MYO16: variants seen among roughly 807,000 people sequenced by gnomAD.
MYO16 encodes the protein myosin XVI.
MYO16 carries 94 observed loss-of-function variants against 205.3 expected under a neutral mutation model. The ratio of observed to expected loss-of-function variants is 0.46; its 90% CI spans 0.39 to 0.54. The LOEUF (loss-of-function observed/expected upper bound fraction) is 0.54, where lower values mean the gene tolerates loss of function less well. Among genes scored for constraint, MYO16 ranks in the 20% least tolerant of loss-of-function variants. MYO16 has a pLI of 0.00. For synonymous variants in MYO16, 988 were observed against 954.0 expected (o/e 1.04, Z -0.66); for missense variants, 2,315 against 2,387.5 (o/e 0.97, Z 0.63).
intron 16 of MYO16, among the ~76,000 whole-genome samples, chr13:108,957,279 G>A (rs1208035050): frequency 6.6e-6 from 1 of 151,260 alleles, no homozygotes; most frequent in African/African-American, 2.4e-5. Context: ...AGCTAGTCAA[G>A]AGGTTGAGGC....
the MYO16 span, among the ~76,000 whole-genome samples, chr13:108,554,575 C>A: frequency 6.6e-6 from 1 of 152,078 alleles, no homozygotes; most frequent in Non-Finnish European, 1.5e-5. Flanking sequence ...CTCAGCCGGG[C>A]GTGGTGGCTC....
chr13:108,886,710 C>A (rs895479600), intron 13 of MYO16, among the ~76,000 whole-genome samples: 1 of 152,082 alleles, frequency 6.6e-6, no homozygotes. Flanking sequence ...AGGCAAAGCC[C>A]CCTGTGCAAG....
chr13:109,093,734 G>A (rs545379463), intron 27 of MYO16, among the ~76,000 whole-genome samples: 27 of 152,196 alleles, frequency 1.8e-4, no homozygotes, highest in Non-Finnish European at 2.8e-4. Context: ...AGCCCAGCAC[G>A]TTTTTACCTC....
At chr13:108,562,657 C>T in the MYO16 span, among the ~76,000 whole-genome samples, 3 of 152,260 alleles carry the variant, frequency 2.0e-5, no homozygotes, top group Non-Finnish European at 2.9e-5. Flanking sequence ...TTCTGGTCAA[C>T]AATGGTGGTC....
intron 23 of MYO16, among the ~76,000 whole-genome samples, chr13:109,023,363 AATAT>A (rs1192721489): frequency 6.5e-4 from 44 of 67,482 alleles, no homozygotes; most frequent in Non-Finnish European, 1.0e-3. Context: ...TACAGATATA[AATAT>A]ATATTTATAT....
Position 109,046,974 on chromosome 13 carries a change from T to G in MYO16, c.2855T>G (p.Leu952Arg). Residue 952 changes from leucine to arginine, a missense_variant, in exon 24 of 35, where the codon CTT (leucine) becomes CGT (arginine). Physicochemically the swap from Leu to Arg is moderately radical, Grantham distance 102. Around this residue, in one of 3 missense-constraint regions of MYO16, gnomAD observed 1,213 missense variants for 1,274.4 expected, o/e 0.95. Transcript: ENST00000457511. Reference sequence around the variant, plus strand: ...AATAAAGACTCCCTTTCACAGAATCTTCTATTTGTAATGAAAAGTAAGTTG... The same window carrying G: ...AATAAAGACTCCCTTTCACAGAATCGTCTATTTGTAATGAAAAGTAAGTTG... ...EKNKDSLSQN[L>R]LFVMKTSENV... 6.2e-7 allele frequency: 1 copy of G among 1,610,606 alleles called. No homozygotes were observed. The highest frequency in any genetic ancestry group is 8.5e-7 in the Non-Finnish European group (1 of 1,176,890).
At chr13:108,686,045 C>T (rs2139481640) in intron 2 of MYO16, among the ~76,000 whole-genome samples, 1 of 152,292 alleles carries the variant, frequency 6.6e-6, no homozygotes, top group East Asian at 1.9e-4. Context: ...AGACCCAGAG[C>T]AGGAGAGAAG....
chr13:108,874,730 A>AT (rs1278175874), intron 12 of MYO16, among the ~76,000 whole-genome samples: 1 of 143,072 alleles, frequency 7.0e-6, no homozygotes, highest in African/African-American at 2.5e-5. Flanking sequence ...TATTATTATT[A>AT]TTATTATATG....
chr13:108,962,441 G>A lies in MYO16; in HGVS notation c.2173G>A (p.Val725Ile), dbSNP rs1187751084. The A allele has an allele frequency of 6.2e-7, 1 of 1,601,334 alleles. No individual in the cohort carries two copies. The highest frequency in any genetic ancestry group is 8.5e-7 in the Non-Finnish European group (1 of 1,176,464). The stretch of plus-strand genomic sequence containing the variant: ...AATTTTAGTGGCTGGAATGTTACAA[G>A]TATCAACAGATGAATTGGCATCTGC... Reference protein sequence around the residue: ...LLEQVAGMLQVSTDELASALT... With the variant: ...LLEQVAGMLQISTDELASALT... Residue 725 changes from valine to isoleucine, a missense_variant, in exon 19 of 35, where the codon GTA (valine) becomes ATA (isoleucine). Val to Ile is a conservative substitution (Grantham distance 29). Transcript: ENST00000457511.
intron 22 of MYO16, among the ~76,000 whole-genome samples, chr13:109,018,563 G>A (rs564962721): frequency 5.9e-5 from 9 of 152,286 alleles, no homozygotes; most frequent in South Asian, 2.1e-4. Context: ...AGTTTCTGCC[G>A]CCTTGCAGTT....
At chr13:108,895,684 C>T (rs1258782034) in intron 14 of MYO16, among the ~76,000 whole-genome samples, 1 of 152,152 alleles carries the variant, frequency 6.6e-6, no homozygotes, top group Non-Finnish European at 1.5e-5. Flanking sequence ...AACCTTTGAG[C>T]CTTGGGAAAA....
At chr13:108,646,682 T>A (rs150612593) in intron 1 of MYO16, among the ~76,000 whole-genome samples, 36 of 152,318 alleles carry the variant, frequency 2.4e-4, no homozygotes, top group African/African-American at 8.7e-4. Context: ...TAGATATAGG[T>A]ATATTTAGGC....
intron 1 of MYO16, among the ~76,000 whole-genome samples, chr13:108,634,030 A>G (rs1175204015): frequency 1.3e-5 from 2 of 152,098 alleles, no homozygotes; most frequent in African/African-American, 4.8e-5. Context: ...CCCCCTTTCC[A>G]GCATGTCTGT....
At chr13:108,681,878 T>C (rs1882478349) in intron 2 of MYO16, among the ~76,000 whole-genome samples, 1 of 152,246 alleles carries the variant, frequency 6.6e-6, no homozygotes, top group African/African-American at 2.4e-5. Context: ...AATCTCATTA[T>C]TCCAATATGA....
chr13:109,126,858 A>T (rs968982097), intron 30 of MYO16, among the ~76,000 whole-genome samples: 1 of 152,216 alleles, frequency 6.6e-6, no homozygotes, highest in Non-Finnish European at 1.5e-5. Flanking sequence ...ATGAACTCCC[A>T]GCATTTGATG....
chr13:109,069,606 G>C (rs1189318615), intron 27 of MYO16, among the ~76,000 whole-genome samples: 2 of 79,326 alleles, frequency 2.5e-5, no homozygotes, highest in African/African-American at 9.4e-5. Context: ...TACACTGTGT[G>C]CTCATATGAC....
intron 11 of MYO16, 106 bp downstream of exon 11, chr13:108,855,659 T>C: frequency 1.4e-6 from 1 of 711,558 alleles, no homozygotes; most frequent in Admixed American, 2.9e-5. Context: ...TTGGAGCTTC[T>C]GGTAGTGGTG....
chr13:108,801,848 C>G (rs1886978036), intron 6 of MYO16, among the ~76,000 whole-genome samples: 1 of 152,116 alleles, frequency 6.6e-6, no homozygotes, highest in Admixed American at 6.6e-5. Context: ...AGTGAGCTCT[C>G]GATCAAAGTT....
intron 34 of MYO16, among the ~76,000 whole-genome samples, chr13:109,198,556 T>A (rs576458620): frequency 5.3e-5 from 8 of 152,290 alleles, no homozygotes; most frequent in African/African-American, 1.9e-4. Context: ...AAAGAATATA[T>A]TATGTTATAT....
Sources: allele counts gnomAD v4.1 joint callset (sites outside exome capture counted in the v4.1 genomes callset), GRCh38; gene constraint gnomAD v4.1.1; regional missense constraint gnomAD v4.1.1; transcripts MANE v1.5; gene names NCBI Gene and HGNC (gene_info 2026-07-23, HGNC 2026-07-21).